Variants in NEK2 observed in about 807,000 individuals in gnomAD.
The protein encoded by NEK2 is NIMA related kinase 2, also known as serine/threonine-protein kinase Nek2.
In NEK2, 28 loss-of-function variants were observed where a neutral mutation model predicts 54.1. The ratio of observed to expected loss-of-function variants is 0.52; its 90% CI spans 0.38 to 0.71. The LOEUF (loss-of-function observed/expected upper bound fraction) is 0.71, where lower values mean the gene tolerates loss of function less well. Ranked by LOEUF, NEK2 falls within the 30% of genes least tolerant of loss-of-function variation. NEK2 has a pLI of 0.00. For missense variants in NEK2, 407 were observed against 531.5 expected (o/e 0.77, Z 2.30); for synonymous variants, 176 against 193.1 (o/e 0.91, Z 0.73).
rs1571649343 is a variant in NEK2, at chr1:211,674,531, A to T, written c.97-18T>A. ...ACTAATATCTGAAATAAGAATTTCCAAGGTATGAATGAACTCATTATGCTC... is the reference window on the plus strand; with the variant it reads ...ACTAATATCTGAAATAAGAATTTCCTAGGTATGAATGAACTCATTATGCTC... On this transcript the variant is annotated intron_variant, in intron 1 of 7. Transcript: ENST00000366999. The T allele has an allele frequency of 1.3e-6, 2 of 1,571,222 alleles. No individual in the cohort carries two copies. The highest frequency in any genetic ancestry group is 3.3e-4 in the Middle Eastern group (2 of 5,992).
At chr1:211,666,954 G>A in intron 7 of NEK2, 152 bp downstream of exon 7, 1 of 1,451,140 alleles carries the variant, frequency 6.9e-7, no homozygotes, top group Non-Finnish European at 9.1e-7. Context: ...ACAGAATTTT[G>A]TTTCCATTGA....
chr1:211,669,387 T>G, intron 5 of NEK2, 55 bp from the exon 6 acceptor site: 1 of 1,461,836 alleles, frequency 6.8e-7, no homozygotes, highest in Non-Finnish European at 9.5e-7. Context: ...ATAGTCCTCC[T>G]AAGACAGCAG....
chr1:211,658,656 G>A (rs936214549), downstream of NEK2: 1 of 421,194 alleles, frequency 2.4e-6, no homozygotes, highest in Non-Finnish European at 4.6e-6. Context: ...CGAGGCCAAG[G>A]CTACATTGAG....
chr1:211,660,593 C>T (rs1654992134), downstream of NEK2: 1 of 638,910 alleles, frequency 1.6e-6, no homozygotes, highest in Non-Finnish European at 3.0e-6. Flanking sequence ...TGTGCCTTCT[C>T]ACCATCAATG....
downstream of NEK2, chr1:211,661,208 C>A: frequency 1.4e-6 from 1 of 723,382 alleles, no homozygotes. Context: ...GAATGAAATC[C>A]TGTTTTTCTT....
downstream of NEK2, chr1:211,660,200 G>A (rs143276374): frequency 5.9e-3 from 1,760 of 300,536 alleles, 10 homozygotes; most frequent in Non-Finnish European, 8.6e-3. Flanking sequence ...CACTTTTTCC[G>A]CTTGTAGATT....
At position 211,675,529 on chromosome 1, in the gene NEK2, A is replaced by C; in HGVS notation, c.-50T>G. 1 of 1,512,258 alleles carries C rather than the reference A, an allele frequency of 6.6e-7. No homozygotes were observed. The highest frequency in any genetic ancestry group is 9.2e-7 in the Non-Finnish European group (1 of 1,089,854). 93.7% of individuals were successfully genotyped at this position (1,512,258 alleles called of 1,614,324 possible). Reference sequence around the variant, plus strand: ...CTGCCTCACGCAGGTTGCGCCGCCAAGTGCGGAGCTCCAGGGACCAGGAAC... The same window carrying C: ...CTGCCTCACGCAGGTTGCGCCGCCACGTGCGGAGCTCCAGGGACCAGGAAC... On this transcript the variant is annotated 5_prime_UTR_variant, in exon 1 of 8. Transcript: ENST00000366999.
At chr1:211,669,873 G>T (rs531977394) in intron 5 of NEK2, among the ~76,000 whole-genome samples, 1 of 151,894 alleles carries the variant, frequency 6.6e-6, no homozygotes, top group African/African-American at 2.4e-5. Context: ...TCCTCCGTCC[G>T]CCCTCCATCA....
chr1:211,659,878 G>C (rs1039537254), downstream of NEK2, among the ~76,000 whole-genome samples: 1 of 137,226 alleles, frequency 7.3e-6, no homozygotes, highest in African/African-American at 2.8e-5. Context: ...CTGGAGTACA[G>C]TGGCTTCATC....
At chr1:211,669,367 G>A in intron 5 of NEK2, 35 bp from the exon 6 acceptor site, 1 of 1,566,444 alleles carries the variant, frequency 6.4e-7, no homozygotes, top group Non-Finnish European at 8.8e-7. Context: ...TAGTCAGATT[G>A]CATAACAGAA....
At chr1:211,674,153 T>G in intron 2 of NEK2, 143 bp downstream of exon 2, 1 of 656,022 alleles carries the variant, frequency 1.5e-6, no homozygotes, top group Non-Finnish European at 2.5e-6. Context: ...TGGGTGTTGA[T>G]TCACCAGGAA....
At chr1:211,672,401 T>C (rs1655419331) in intron 3 of NEK2, among the ~76,000 whole-genome samples, 1 of 152,144 alleles carries the variant, frequency 6.6e-6, no homozygotes, top group African/African-American at 2.4e-5. Context: ...GTGAAACATG[T>C]TGGAAACAAA....
chr1:211,663,633 G>A lies in NEK2; in HGVS notation c.1131C>T (p.Ser377=). The part of the protein sequence containing the change: ...ASNPELLNLP[S]SVIKKKVHFS... Reference sequence around the variant, plus strand: ...AATGAACTTTCTTCTTAATTACTGAGGATGGAAGATTAAGAAGTTCTTTAG... The same window carrying A: ...AATGAACTTTCTTCTTAATTACTGAAGATGGAAGATTAAGAAGTTCTTTAG... Residue 377 remains serine, a synonymous_variant, in exon 8 of 8, where the codon TCC becomes TCT. Transcript: ENST00000366999. The A allele has an allele frequency of 6.2e-7, 1 of 1,613,584 alleles. No individual in the cohort carries two copies. The highest frequency in any genetic ancestry group is 1.1e-5 in the South Asian group (1 of 91,058).
intron 1 of NEK2, 55 bp from the exon 2 acceptor site, chr1:211,674,568 A>G (rs1159333990): frequency 7.5e-7 from 1 of 1,333,500 alleles, no homozygotes; most frequent in Non-Finnish European, 1.0e-6. Context: ...AAAACAAAGA[A>G]TGAAAGTTCC....
intron 5 of NEK2, 134 bp downstream of exon 5, chr1:211,670,147 G>T: frequency 2.1e-6 from 2 of 966,592 alleles, no homozygotes. Flanking sequence ...TTTCACTTGT[G>T]TTAACACAGT....
intron 4 of NEK2, 30 bp from the exon 5 acceptor site, chr1:211,670,437 G>C: frequency 6.3e-7 from 1 of 1,588,708 alleles, no homozygotes. Context: ...AGAAGACGAC[G>C]AAGACATTTT....
chr1:211,672,669 G>A (rs941215597), intron 3 of NEK2, among the ~76,000 whole-genome samples: 2 of 149,700 alleles, frequency 1.3e-5, no homozygotes, highest in African/African-American at 2.5e-5. Context: ...AAATTCACTC[G>A]ATGGATTTGG....
At chr1:211,671,657 C>A (rs572184024) in intron 3 of NEK2, among the ~76,000 whole-genome samples, 1 of 152,324 alleles carries the variant, frequency 6.6e-6, no homozygotes, top group East Asian at 1.9e-4. Context: ...TGGATATAGA[C>A]ATAAATAGCT....
chr1:211,674,288 A>C lies in NEK2; in HGVS notation c.314+8T>G. On this transcript the variant is annotated splice_region_variant and intron_variant, in intron 2 of 7. Transcript: ENST00000366999. ...TTTCAGCTTACATTTTTAAAAGATT[A>C]TGCTTACCTTTCCTTGGTTCCCTTT... The C allele has an allele frequency of 6.2e-7, 1 of 1,602,210 alleles. No individual in the cohort carries two copies. Among genetic ancestry groups the C allele is most frequent in the East Asian group, 2.2e-5 (1 of 44,664 alleles).
Sources: allele counts gnomAD v4.1 joint callset (sites outside exome capture counted in the v4.1 genomes callset), GRCh38; gene constraint gnomAD v4.1.1; transcripts MANE v1.5; gene names NCBI Gene and HGNC (gene_info 2026-07-23, HGNC 2026-07-21).